EDAR: variants seen among roughly 807,000 people sequenced by gnomAD.
EDAR encodes the protein tumor necrosis factor receptor superfamily member EDAR.
In EDAR, 38 loss-of-function variants were observed where a neutral mutation model predicts 51.3. That is an observed-to-expected ratio of 0.74 (90% CI 0.57 to 0.97). The LOEUF (loss-of-function observed/expected upper bound fraction) is 0.97. Among genes scored for constraint, EDAR ranks in the 50% least tolerant of loss-of-function variants. EDAR has a pLI of 0.00. For synonymous variants in EDAR, 227 were observed against 242.1 expected (o/e 0.94, Z 0.58); for missense variants, 528 against 595.0 (o/e 0.89, Z 1.17).
At position 108,897,055 on chromosome 2, in the gene EDAR, C is replaced by A. The variant is rs751763234; in HGVS notation, c.1199G>T (p.Arg400Leu). Residue 400 changes from arginine (R) to leucine (L), a missense_variant, in exon 12 of 12, where the codon CGC (arginine) becomes CTC (leucine). Arg to Leu is a moderately radical substitution (Grantham distance 102). Coordinates refer to ENST00000258443, the MANE Select transcript of EDAR (RefSeq NM_022336.4). ...GATGCTGTAGCCTGCCGTGCTGATG[C>A]GGTCAAAGAGTTGCATGCCGTCTGT... Reference protein sequence around the residue: ...GMTDGMQLFDRISTAGYSIPE... With the variant: ...GMTDGMQLFDLISTAGYSIPE... 1.2e-6 allele frequency: 2 copies of A among 1,614,122 alleles called. No homozygotes were observed. The highest frequency in any genetic ancestry group is 1.7e-6 in the Non-Finnish European group (2 of 1,180,020).
intron 1 of EDAR, among the ~76,000 whole-genome samples, chr2:108,970,825 A>G (rs571925368): frequency 2.6e-5 from 4 of 152,354 alleles, no homozygotes; most frequent in African/African-American, 7.2e-5. Context: ...TGTGGTGCCA[A>G]TAAAAGCAGG....
Position 108,894,565 on chromosome 2 carries a change from C to G in EDAR, c.*2342G>C, listed in dbSNP as rs1011327951. 7.2e-5 allele frequency: 11 copies of G among 152,532 alleles called. No individual in the cohort carries two copies. The highest frequency in any genetic ancestry group is 9.7e-5 in the African/African-American group (4 of 41,410). The allele number at this position is 152,532 out of a possible 1,614,324, so 9.4% of individuals were successfully genotyped here. ...ATATTGACAATTAAGACTTCACTGT[C>G]TAAGGGCCACAGACCTACCCTGGGG... On this transcript the variant is annotated 3_prime_UTR_variant, in exon 12 of 12. Transcript: ENST00000258443.
intron 1 of EDAR, among the ~76,000 whole-genome samples, chr2:108,934,867 A>T (rs1261234060): frequency 3.3e-5 from 5 of 152,236 alleles, no homozygotes; most frequent in African/African-American, 1.2e-4. Context: ...GAAAACATTC[A>T]AACCAAAGCA....
intron 1 of EDAR, among the ~76,000 whole-genome samples, chr2:108,939,778 C>T (rs1232196561): frequency 6.6e-6 from 1 of 152,188 alleles, no homozygotes; most frequent in East Asian, 1.9e-4. Flanking sequence ...AGCTCTTGTC[C>T]TCATTTCTTT....
chr2:108,942,104 G>A (rs1166904762), intron 1 of EDAR, among the ~76,000 whole-genome samples: 1 of 152,230 alleles, frequency 6.6e-6, no homozygotes, highest in Non-Finnish European at 1.5e-5. Flanking sequence ...TGTGCTGGGG[G>A]CAGAGGCCCC....
chr2:108,943,991 A>AAATGAG (rs1197159120), intron 1 of EDAR, among the ~76,000 whole-genome samples: 2 of 152,248 alleles, frequency 1.3e-5, no homozygotes, highest in African/African-American at 2.4e-5. Flanking sequence ...TGCATGTGGA[A>AAATGAG]GTGTTTTGAA....
intron 1 of EDAR, 93 bp from the exon 2 acceptor site, chr2:108,931,125 C>T: frequency 2.0e-6 from 2 of 1,019,052 alleles, no homozygotes; most frequent in Non-Finnish European, 3.1e-6. Context: ...TATAAGGTGC[C>T]TTCCAGCAAA....
At chr2:108,926,857 T>C (rs1444004102) in intron 4 of EDAR, among the ~76,000 whole-genome samples, 2 of 152,194 alleles carry the variant, frequency 1.3e-5, no homozygotes, top group Admixed American at 6.5e-5. Context: ...GATTCAGGAA[T>C]GAACGCAGCC....
At position 108,947,590 on chromosome 2, in the gene EDAR, C is replaced by T. The variant is rs571268173; in HGVS notation, c.-18-16558G>A. Among the ~76,000 whole-genome samples the T allele has an allele frequency of 3.6e-3, 543 of 152,332 alleles. 2 individuals are homozygous for T. Among genetic ancestry groups the T allele is most frequent in the Non-Finnish European group, 6.2e-3 (424 of 68,040 alleles). ...GCTCAATTCTTGTCTTCTGCACCCC[C>T]GCAGTCCCAACACCAAGTGGAAGTT... On this transcript the variant is annotated intron_variant, in intron 1 of 11. Coordinates refer to ENST00000258443, the MANE Select transcript of EDAR (RefSeq NM_022336.4).
chr2:108,984,288 C>T (rs976342881), intron 1 of EDAR, among the ~76,000 whole-genome samples: 1 of 152,148 alleles, frequency 6.6e-6, no homozygotes. Context: ...AAGCAAATTA[C>T]AGCAACCGGC....
chr2:108,904,493 C>T (rs1696765559), intron 11 of EDAR, among the ~76,000 whole-genome samples: 1 of 152,170 alleles, frequency 6.6e-6, no homozygotes, highest in Non-Finnish European at 1.5e-5. Flanking sequence ...GACTGATGTC[C>T]ACACAAAAAC....
intron 1 of EDAR, among the ~76,000 whole-genome samples, chr2:108,956,862 C>T (rs1264928475): frequency 1.3e-5 from 2 of 152,026 alleles, no homozygotes; most frequent in South Asian, 4.2e-4. Flanking sequence ...GATCTCAGCA[C>T]ACCGCAACCT....
chr2:108,930,321 A>G, intron 2 of EDAR, 79 bp from the exon 3 acceptor site: 4 of 1,594,456 alleles, frequency 2.5e-6, no homozygotes, highest in Non-Finnish European at 3.4e-6. Context: ...CAAGGTTGAC[A>G]TAGGAAGGGG....
intron 1 of EDAR, among the ~76,000 whole-genome samples, chr2:108,987,348 T>C (rs1259983368): frequency 6.6e-6 from 1 of 152,154 alleles, no homozygotes; most frequent in Non-Finnish European, 1.5e-5. Context: ...CAAGTAGGTT[T>C]TGCGCTCCGT....
intron 4 of EDAR, among the ~76,000 whole-genome samples, chr2:108,924,658 A>G (rs1262055928): frequency 6.6e-6 from 1 of 152,148 alleles, no homozygotes; most frequent in East Asian, 1.9e-4. Flanking sequence ...GACTGTTACC[A>G]GTAATGTTAG....
At chr2:108,934,218 A>G (rs941762296) in intron 1 of EDAR, among the ~76,000 whole-genome samples, 2 of 152,110 alleles carry the variant, frequency 1.3e-5, no homozygotes, top group African/African-American at 4.8e-5. Flanking sequence ...ATTGTTACCA[A>G]TTCTCTGAGA....
chr2:108,954,402 GC>G (rs1163053320), intron 1 of EDAR, among the ~76,000 whole-genome samples: 3 of 152,140 alleles, frequency 2.0e-5, no homozygotes, highest in Non-Finnish European at 2.9e-5. Context: ...CAGCCTACCT[GC>G]CCTCTCTCGC....
At chr2:108,970,322 C>A (rs987482601) in intron 1 of EDAR, among the ~76,000 whole-genome samples, 1 of 152,116 alleles carries the variant, frequency 6.6e-6, no homozygotes, top group African/African-American at 2.4e-5. Flanking sequence ...TGACAGGATG[C>A]AGGAAATATT....
At chr2:108,953,963 C>A (rs1697873089) in intron 1 of EDAR, among the ~76,000 whole-genome samples, 1 of 152,148 alleles carries the variant, frequency 6.6e-6, no homozygotes, top group African/African-American at 2.4e-5. Context: ...TTACCAAGAT[C>A]CTAAAACTTC....
Sources: gnomAD v4.1 joint callset for allele counts (sites outside exome capture counted in the v4.1 genomes callset) on GRCh38, gnomAD v4.1.1 for gene constraint, MANE v1.5 for transcripts, NCBI Gene and HGNC (gene_info 2026-07-23, HGNC 2026-07-21) for gene names.